The following ASTN2 variants were observed in gnomAD, a reference collection of about 807,000 sequenced individuals.
ASTN2 encodes astrotactin 2, also known as astrotactin-2.
A neutral mutation model predicts 139.8 loss-of-function variants in ASTN2; 54 were observed. The observed-to-expected ratio is 0.39, with a 90% CI of 0.31 to 0.48. The LOEUF (loss-of-function observed/expected upper bound fraction) is 0.48. Among genes scored for constraint, ASTN2 ranks in the 20% least tolerant of loss-of-function variants. The pLI is 0.95. For synonymous variants in ASTN2, 756 were observed against 719.5 expected, an observed-to-expected ratio of 1.05 and a Z score of -0.81; for missense variants, 1,565 against 1,725.1, an observed-to-expected ratio of 0.91 and a Z score of 1.64.
chr9:116,716,028 G>A (rs1427183881), intron 16 of ASTN2, among the ~76,000 whole-genome samples: 1 of 152,166 alleles, frequency 6.6e-6, no homozygotes, highest in Non-Finnish European at 1.5e-5. Context: ...CAGAGAGATA[G>A]CAAAAGCTCC....
chr9:117,179,204 C>T (rs1830994267), intron 3 of ASTN2, among the ~76,000 whole-genome samples: 1 of 152,086 alleles, frequency 6.6e-6, no homozygotes, highest in African/African-American at 2.4e-5. Context: ...ACCACCAGAG[C>T]TTTCTTTCTA....
At chr9:116,488,844 T>C (rs533439272) in intron 19 of ASTN2, among the ~76,000 whole-genome samples, 4 of 152,178 alleles carry the variant, frequency 2.6e-5, no homozygotes, top group Non-Finnish European at 4.4e-5. Flanking sequence ...TAAACATATA[T>C]TGCTTTTGTA....
intron 16 of ASTN2, among the ~76,000 whole-genome samples, chr9:116,672,695 G>T (rs1176091517): frequency 1.3e-5 from 2 of 152,210 alleles, no homozygotes; most frequent in Non-Finnish European, 2.9e-5. Context: ...GGGAAGGGAA[G>T]TACAGAAGGC....
At chr9:116,803,515 TA>T (rs1564276189) in intron 13 of ASTN2, among the ~76,000 whole-genome samples, 1,560 of 8,148 alleles carry the variant, frequency 0.19, 37 homozygotes, top group Non-Finnish European at 0.24. Context: ...TATATATATA[TA>T]TATATATTTT....
chr9:117,336,510 G>A (rs1385207585), intron 1 of ASTN2, among the ~76,000 whole-genome samples: 1 of 152,112 alleles, frequency 6.6e-6, no homozygotes, highest in Non-Finnish European at 1.5e-5. Flanking sequence ...CTATCTGCAG[G>A]AGGAAGCCCA....
At chr9:116,703,805 T>C (rs1398568165) in intron 16 of ASTN2, among the ~76,000 whole-genome samples, 1 of 151,364 alleles carries the variant, frequency 6.6e-6, no homozygotes, top group African/African-American at 2.4e-5. Context: ...GAGACTCAGG[T>C]CTCCACCCTG....
At chr9:117,221,106 C>T (rs554467354) in intron 2 of ASTN2, among the ~76,000 whole-genome samples, 137 of 152,290 alleles carry the variant, frequency 9.0e-4, no homozygotes, top group African/African-American at 3.2e-3. Context: ...CAGAGGAATG[C>T]AAATGCAAGT....
intron 20 of ASTN2, among the ~76,000 whole-genome samples, chr9:116,451,639 G>A (rs1848178421): frequency 6.6e-6 from 1 of 152,092 alleles, no homozygotes; most frequent in Non-Finnish European, 1.5e-5. Flanking sequence ...TTAGATATGA[G>A]TTTAAAAGCT....
At chr9:116,728,865 C>T (rs1308201745) in intron 15 of ASTN2, 127 bp downstream of exon 15, 3 of 745,836 alleles carry the variant, frequency 4.0e-6, no homozygotes, top group African/African-American at 3.5e-5. Flanking sequence ...TCCTTGATGG[C>T]AGAGAGGATG....
At chr9:116,976,864 A>G in intron 7 of ASTN2, 79 bp from the exon 8 acceptor site, 1 of 1,317,358 alleles carries the variant, frequency 7.6e-7, no homozygotes, top group South Asian at 1.3e-5. Flanking sequence ...TTGTTTTCCT[A>G]AGACATAAAG....
intron 5 of ASTN2, among the ~76,000 whole-genome samples, chr9:117,045,979 T>TACGTACGTACGTACGTACGTACGTAC (rs1564399779): frequency 3.2e-5 from 4 of 124,638 alleles, no homozygotes; most frequent in South Asian, 5.5e-4. Flanking sequence ...TATGTATGTA[T>TACGTACGTACGTACGTACGTACGTAC]GTACGTACGT....
chr9:117,264,780 G>A (rs1833904399), intron 2 of ASTN2, among the ~76,000 whole-genome samples: 1 of 152,168 alleles, frequency 6.6e-6, no homozygotes, highest in South Asian at 2.1e-4. Flanking sequence ...TTGTTTGCTT[G>A]TTTGCTTTTG....
intron 1 of ASTN2, among the ~76,000 whole-genome samples, chr9:117,336,174 A>G (rs1465643612): frequency 2.0e-5 from 3 of 151,940 alleles, no homozygotes; most frequent in Admixed American, 2.0e-4. Flanking sequence ...GAATGGTAAG[A>G]GTTTGAAGGA....
intron 6 of ASTN2, among the ~76,000 whole-genome samples, chr9:117,018,824 A>G (rs1837791842): frequency 1.3e-5 from 2 of 152,018 alleles, no homozygotes; most frequent in African/African-American, 2.4e-5. Flanking sequence ...TTTTTTTACT[A>G]CTGCTATTGC....
chr9:116,834,723 C>G (rs935108384), intron 11 of ASTN2, among the ~76,000 whole-genome samples: 1 of 152,182 alleles, frequency 6.6e-6, no homozygotes, highest in Non-Finnish European at 1.5e-5. Context: ...TAAACCCACT[C>G]CACTAATTTA....
intron 16 of ASTN2, chr9:116,687,192 G>A (rs1276054507): frequency 1.9e-6 from 2 of 1,034,192 alleles, no homozygotes; most frequent in East Asian, 1.6e-4. Context: ...ACCCCTGCAG[G>A]GCCGCCTTGC....
chr9:116,777,361 A>G (rs1389368323), intron 13 of ASTN2, among the ~76,000 whole-genome samples: 1 of 152,146 alleles, frequency 6.6e-6, no homozygotes, highest in Non-Finnish European at 1.5e-5. Flanking sequence ...CCTCTGCTCC[A>G]TTATTCACGG....
At chr9:116,832,939 G>GTTTT (rs1554752208) in intron 11 of ASTN2, among the ~76,000 whole-genome samples, 1 of 107,418 alleles carries the variant, frequency 9.3e-6, no homozygotes, top group Non-Finnish European at 1.9e-5. Flanking sequence ...TTTTTGTTTT[G>GTTTT]TTTTATTTAT....
At chr9:117,404,460 T>C (rs964574342) in intron 1 of ASTN2, among the ~76,000 whole-genome samples, 4 of 152,158 alleles carry the variant, frequency 2.6e-5, no homozygotes, top group South Asian at 2.1e-4. Flanking sequence ...AGGAGTTGGG[T>C]TGGATCTCAA....
Sources: gnomAD v4.1 joint callset for allele counts (sites outside exome capture counted in the v4.1 genomes callset) on GRCh38, gnomAD v4.1.1 for gene constraint, MANE v1.5 for transcripts, NCBI Gene and HGNC (gene_info 2026-07-23, HGNC 2026-07-21) for gene names.